CACNA2D3: variants seen among roughly 807,000 people sequenced by gnomAD.
The protein encoded by CACNA2D3 is calcium voltage-gated channel auxiliary subunit alpha2delta 3.
CACNA2D3 carries 60 observed loss-of-function variants against 160.6 expected under a neutral mutation model. The ratio of observed to expected loss-of-function variants is 0.37; its 90% confidence interval spans 0.30 to 0.46. The LOEUF (loss-of-function observed/expected upper bound fraction) is 0.46. Ranked by LOEUF, CACNA2D3 falls within the 20% of genes least tolerant of loss-of-function variation. The pLI, the probability that CACNA2D3 is intolerant of heterozygous loss-of-function variation, is 1.00. For missense variants in CACNA2D3, 1,205 were observed against 1,365.0 expected (o/e 0.88, Z 1.85); for synonymous variants, 558 against 492.9 (o/e 1.13, Z -1.75).
At chr3:54,524,322 T>A (rs529061125) in intron 5 of CACNA2D3, among the ~76,000 whole-genome samples, 2 of 152,290 alleles carry the variant, frequency 1.3e-5, no homozygotes, top group South Asian at 2.1e-4. Context: ...AATTTCTTCC[T>A]ATTATTGAGT....
At chr3:54,662,718 C>T (rs1278491478) in intron 11 of CACNA2D3, among the ~76,000 whole-genome samples, 1 of 152,176 alleles carries the variant, frequency 6.6e-6, no homozygotes, top group East Asian at 1.9e-4. Flanking sequence ...TTCAGGTCCA[C>T]CTGGCTGGTG....
intron 3 of CACNA2D3, among the ~76,000 whole-genome samples, chr3:54,358,179 A>G (rs899964775): frequency 9.2e-5 from 14 of 152,274 alleles, no homozygotes; most frequent in Admixed American, 5.2e-4. Context: ...GGGGAGTTCT[A>G]TTTTCTTCTC....
chr3:54,360,696 T>C (rs1698727181), intron 3 of CACNA2D3, among the ~76,000 whole-genome samples: 1 of 152,200 alleles, frequency 6.6e-6, no homozygotes, highest in Non-Finnish European at 1.5e-5. Flanking sequence ...GTCTGCCCTG[T>C]CCCTTGGAGA....
At chr3:54,940,433 C>A (rs2106982188) in intron 27 of CACNA2D3, among the ~76,000 whole-genome samples, 1 of 152,254 alleles carries the variant, frequency 6.6e-6, no homozygotes, top group South Asian at 2.1e-4. Flanking sequence ...TTAAACTGTT[C>A]CTCACTGATA....
chr3:54,217,737 C>T (rs1221012554), intron 2 of CACNA2D3, among the ~76,000 whole-genome samples: 3 of 152,120 alleles, frequency 2.0e-5, no homozygotes, highest in African/African-American at 7.2e-5. Flanking sequence ...CATGGCCCTG[C>T]TGACATGTTA....
At chr3:54,559,964 A>G (rs921023041) in intron 5 of CACNA2D3, among the ~76,000 whole-genome samples, 10 of 152,160 alleles carry the variant, frequency 6.6e-5, no homozygotes, top group African/African-American at 2.4e-4. Flanking sequence ...CATGGTGTAT[A>G]TGTGCCACAT....
chr3:54,479,485 C>T (rs1013243745), intron 4 of CACNA2D3, among the ~76,000 whole-genome samples: 7 of 152,114 alleles, frequency 4.6e-5, no homozygotes, highest in South Asian at 2.1e-4. Flanking sequence ...TTTTGGAAAC[C>T]GTAATTATAG....
At chr3:54,605,629 T>A (rs375311164) in intron 9 of CACNA2D3, among the ~76,000 whole-genome samples, 1 of 152,154 alleles carries the variant, frequency 6.6e-6, no homozygotes, top group Non-Finnish European at 1.5e-5. Flanking sequence ...ATCTTTAAAT[T>A]TATTTGGTGT....
At position 55,004,811 on chromosome 3, in the gene CACNA2D3, C is replaced by T. The variant is rs558360897; in HGVS notation, c.2739C>T (p.Ser913=). The T allele has an allele frequency of 2.6e-5, 42 of 1,613,610 alleles. 1 individual carries two copies. In the South Asian group the frequency reaches 4.1e-4, roughly 16 times the overall value. ...CCATGTGTAGAGCCAACAAGGAAAG[C>T]AGCGATGGCGCCCATGGCCTCCTGG... The part of the protein sequence containing the change: ...YQAMCRANKE[S]SDGAHGLLDP... Residue 913 remains serine, a synonymous_variant, in exon 32 of 38, where the codon AGC becomes AGT. Transcript: ENST00000474759.
chr3:54,555,136 A>G (rs530207249), intron 5 of CACNA2D3, among the ~76,000 whole-genome samples: 23 of 152,214 alleles, frequency 1.5e-4, no homozygotes, highest in African/African-American at 5.5e-4. Context: ...TTGACCTCCC[A>G]AAGTGTTGAG....
intron 11 of CACNA2D3, among the ~76,000 whole-genome samples, chr3:54,740,909 C>T (rs1349962967): frequency 4.6e-5 from 7 of 152,204 alleles, no homozygotes; most frequent in Non-Finnish European, 8.8e-5. Flanking sequence ...CCTGACTCCT[C>T]GACCTGTAAC....
At chr3:54,362,253 T>G (rs1042904210) in intron 3 of CACNA2D3, among the ~76,000 whole-genome samples, 3 of 152,226 alleles carry the variant, frequency 2.0e-5, no homozygotes, top group East Asian at 3.9e-4. Flanking sequence ...GCTCAGGGTC[T>G]TCTTCCAAGC....
intron 14 of CACNA2D3, among the ~76,000 whole-genome samples, chr3:54,821,653 T>TTTCG (rs1559594866): frequency 3.2e-5 from 2 of 62,292 alleles, no homozygotes; most frequent in Non-Finnish European, 7.7e-5. Context: ...TCTTTCTTTC[T>TTTCG]TTCTTTCTTT....
At chr3:54,787,593 T>TTG (rs1400947746) in intron 13 of CACNA2D3, among the ~76,000 whole-genome samples, 2 of 152,128 alleles carry the variant, frequency 1.3e-5, no homozygotes, top group African/African-American at 4.8e-5. Context: ...CTTTAAAAAT[T>TTG]AGTTAGGCCT....
rs529871149 is a variant in CACNA2D3 at position 54,740,451 on chromosome 3, C to T, written c.1168-12148C>T. ...CTACAGTAGGGTCTTCAGCCAGGGG[C>T]GCATGCTTCCATAGTGGGAGTTGAG... On this transcript the variant is annotated intron_variant, in intron 11 of 37. Transcript: ENST00000474759. Among the ~76,000 whole-genome samples, 82 of 152,172 alleles carry T rather than the reference C, an allele frequency of 5.4e-4. 1 individual carries two copies. The South Asian group carries it at 8.3e-3, about 15-fold the overall frequency.
At chr3:54,889,758 A>G (rs1349709722) in intron 24 of CACNA2D3, among the ~76,000 whole-genome samples, 2 of 152,194 alleles carry the variant, frequency 1.3e-5, no homozygotes, top group Non-Finnish European at 2.9e-5. Context: ...CCTTCATGGC[A>G]TGGATCTTAT....
chr3:54,379,906 C>A (rs149221072), intron 3 of CACNA2D3, among the ~76,000 whole-genome samples: 1 of 151,754 alleles, frequency 6.6e-6, no homozygotes, highest in Non-Finnish European at 1.5e-5. Flanking sequence ...AACCATCTTA[C>A]GTTTTTTTCA....
intron 4 of CACNA2D3, among the ~76,000 whole-genome samples, chr3:54,463,798 G>T (rs1273709829): frequency 6.6e-6 from 1 of 152,190 alleles, no homozygotes; most frequent in Non-Finnish European, 1.5e-5. Context: ...ATCCAGCTTT[G>T]TTCCGTTGCT....
At chr3:54,315,166 G>T (rs756129166) in intron 2 of CACNA2D3, among the ~76,000 whole-genome samples, 7 of 152,190 alleles carry the variant, frequency 4.6e-5, no homozygotes, top group Non-Finnish European at 1.0e-4. Context: ...TTGGTAGCCT[G>T]CATGTGGCCA....
Sources: gnomAD v4.1 joint callset for allele counts (sites outside exome capture counted in the v4.1 genomes callset) on GRCh38, gnomAD v4.1.1 for gene constraint, MANE v1.5 for transcripts, NCBI Gene and HGNC (gene_info 2026-07-23, HGNC 2026-07-21) for gene names.